IL1RAPL1: variants seen among roughly 807,000 people sequenced by gnomAD.
IL1RAPL1 encodes the protein interleukin 1 receptor accessory protein like 1.
Under a neutral mutation model 48.4 loss-of-function variants are expected in IL1RAPL1, and 3 were observed. The ratio of observed to expected loss-of-function variants is 0.06; its 90% confidence interval spans 0.03 to 0.16. IL1RAPL1 has a LOEUF of 0.16. IL1RAPL1 is among the 10% of genes least tolerant of loss of function. IL1RAPL1 has a pLI of 1.00. For synonymous variants in IL1RAPL1, 185 were observed against 187.7 expected (o/e 0.99, Z 0.12); for missense variants, 349 against 530.6 (o/e 0.66, Z 3.36).
chrX:28,742,993 C>T (rs1401210930), intron 1 of IL1RAPL1, among the ~76,000 whole-genome samples: 1 of 111,747 alleles, frequency 8.9e-6, no homozygotes, highest in East Asian at 2.8e-4. Flanking sequence ...CATCAAAGAA[C>T]ATTGTAATCT....
chrX:29,849,520 T>G (rs1483094563), intron 6 of IL1RAPL1, among the ~76,000 whole-genome samples: 2 of 112,100 alleles, frequency 1.8e-5, no homozygotes, highest in Non-Finnish European at 3.8e-5. Flanking sequence ...GCCAGCTAAC[T>G]GAATAGAAAG....
chrX:29,513,389 T>C (rs2147768006), intron 5 of IL1RAPL1, among the ~76,000 whole-genome samples: 1 of 112,032 alleles, frequency 8.9e-6, no homozygotes, highest in South Asian at 3.7e-4. Flanking sequence ...TATTATATTA[T>C]TTTTAAGTAA....
chrX:29,204,122 T>C (rs2147536242), intron 2 of IL1RAPL1, among the ~76,000 whole-genome samples: 1 of 111,819 alleles, frequency 8.9e-6, no homozygotes, highest in African/African-American at 3.2e-5. Flanking sequence ...AACTGCCCGT[T>C]GATAGACACT....
chrX:29,802,747 TTATATATATATATATA>T (rs1210417673), intron 6 of IL1RAPL1, among the ~76,000 whole-genome samples: 7 of 36,282 alleles, frequency 1.9e-4, no homozygotes, highest in Admixed American at 1.2e-3. Flanking sequence ...GAGGAAAAAA[TTATATATATATATATA>T]TATATATATA....
chrX:29,195,953 T>C (rs1347344660), intron 2 of IL1RAPL1, among the ~76,000 whole-genome samples: 3 of 111,725 alleles, frequency 2.7e-5, no homozygotes, highest in Non-Finnish European at 5.6e-5. Flanking sequence ...ATTTCCTAGA[T>C]AGTAATATGT....
intron 2 of IL1RAPL1, among the ~76,000 whole-genome samples, chrX:28,933,960 A>G (rs1445553392): frequency 9.0e-6 from 1 of 111,526 alleles, no homozygotes; most frequent in Non-Finnish European, 1.9e-5. Flanking sequence ...GCATATAATA[A>G]ACAGTGAGGA....
At chrX:29,488,139 C>T (rs2147751572) in intron 5 of IL1RAPL1, among the ~76,000 whole-genome samples, 1 of 112,296 alleles carries the variant, frequency 8.9e-6, no homozygotes, top group South Asian at 3.6e-4. Context: ...TACATGCACA[C>T]ATAGAAACAA....
At chrX:28,856,578 ACT>A (rs1367835078) in intron 2 of IL1RAPL1, among the ~76,000 whole-genome samples, 1 of 111,099 alleles carries the variant, frequency 9.0e-6, no homozygotes, top group Non-Finnish European at 1.9e-5. Flanking sequence ...CACATTGGTA[ACT>A]CTCACAATAT....
chrX:28,969,588 A>G (rs1240064569), intron 2 of IL1RAPL1, among the ~76,000 whole-genome samples: 2 of 109,654 alleles, frequency 1.8e-5, no homozygotes, highest in Non-Finnish European at 3.8e-5. Context: ...AATTCCTATG[A>G]TGATGTTTGT....
intron 2 of IL1RAPL1, among the ~76,000 whole-genome samples, chrX:28,900,564 TACATAGAATA>T (rs1034828743): frequency 8.9e-6 from 1 of 112,196 alleles, no homozygotes; most frequent in Admixed American, 9.5e-5. Flanking sequence ...AAATCATGTT[TACATAGAATA>T]ACTAATAAGA....
At chrX:28,659,755 A>G (rs1934795753) in intron 1 of IL1RAPL1, among the ~76,000 whole-genome samples, 1 of 111,098 alleles carries the variant, frequency 9.0e-6, no homozygotes, top group Non-Finnish European at 1.9e-5. Flanking sequence ...CGTGTTAGAA[A>G]AAAATGAAGA....
intron 2 of IL1RAPL1, among the ~76,000 whole-genome samples, chrX:28,935,930 G>A (rs952041403): frequency 9.0e-6 from 1 of 111,302 alleles, no homozygotes; most frequent in African/African-American, 3.3e-5. Flanking sequence ...ACATAGAAAC[G>A]GGGTGTAAAA....
At chrX:29,787,128 C>T (rs1000169548) in intron 6 of IL1RAPL1, among the ~76,000 whole-genome samples, 1 of 111,480 alleles carries the variant, frequency 9.0e-6, no homozygotes, top group South Asian at 3.8e-4. Flanking sequence ...AGTAGAGGAA[C>T]GCAGCAAGCC....
At chrX:29,711,557 A>G (rs1294214972) in intron 6 of IL1RAPL1, among the ~76,000 whole-genome samples, 2 of 111,771 alleles carry the variant, frequency 1.8e-5, no homozygotes, top group African/African-American at 6.5e-5. Flanking sequence ...AAATTTGAAG[A>G]TAAAATTAAA....
chrX:29,418,108 TATATATATATA>T (rs1934241536), intron 5 of IL1RAPL1, among the ~76,000 whole-genome samples: 1 of 41,392 alleles, frequency 2.4e-5, no homozygotes, highest in Admixed American at 3.9e-4. Context: ...TATATATATA[TATATATATATA>T]TATATATTTT....
rs184530440 is a variant in IL1RAPL1, at chrX:29,025,777, T to C, written c.82+236352T>C. On this transcript the variant is annotated intron_variant, in intron 2 of 10. Coordinates refer to ENST00000378993, the MANE Select transcript of IL1RAPL1 (RefSeq NM_014271.4). ...AGATAAATATGGTAAGATAATTACG[T>C]TGCTTTCCATGTTGCATTATTGGCA... Among the ~76,000 whole-genome samples, 569 of 111,689 alleles carry C rather than the reference T, an allele frequency of 5.1e-3. 3 individuals carry two copies. Among genetic ancestry groups the C allele is most frequent in the African/African-American group, 0.018 (549 of 30,756 alleles).
chrX:29,438,377 A>T (rs767213714), intron 5 of IL1RAPL1, among the ~76,000 whole-genome samples: 5 of 110,851 alleles, frequency 4.5e-5, no homozygotes, highest in Non-Finnish European at 9.5e-5. Context: ...TTTGAATTTC[A>T]TTGATTTCTG....
chrX:29,461,132 A>T (rs1233750957), intron 5 of IL1RAPL1, among the ~76,000 whole-genome samples: 1 of 111,731 alleles, frequency 9.0e-6, no homozygotes, highest in Non-Finnish European at 1.9e-5. Flanking sequence ...TTGAATAGAC[A>T]CTTCTCGCAA....
At chrX:28,771,953 A>AAAAAAAG (rs1225919502) in intron 1 of IL1RAPL1, among the ~76,000 whole-genome samples, 2 of 109,298 alleles carry the variant, frequency 1.8e-5, no homozygotes, top group Non-Finnish European at 3.8e-5. Flanking sequence ...AAAAAAAAAA[A>AAAAAAAG]AAAAAAGAAA....
Sources: gnomAD v4.1 joint callset for allele counts (sites outside exome capture counted in the v4.1 genomes callset) on GRCh38, gnomAD v4.1.1 for gene constraint, MANE v1.5 for transcripts, NCBI Gene and HGNC (gene_info 2026-07-23, HGNC 2026-07-21) for gene names.